The following LRRC4C variants were observed in gnomAD, a reference collection of about 807,000 sequenced individuals.
The protein encoded by LRRC4C is leucine-rich repeat-containing protein 4C.
LRRC4C carries 5 observed loss-of-function variants against 33.6 expected under a neutral mutation model. That is an observed-to-expected ratio of 0.15 (90% CI 0.08 to 0.31). The LOEUF is 0.31. Ranked by LOEUF, LRRC4C falls within the 10% of genes least tolerant of loss-of-function variation. LRRC4C has a pLI of 1.00. For synonymous variants in LRRC4C, 329 were observed against 302.0 expected (o/e 1.09, Z -0.93); for missense variants, 560 against 796.7 (o/e 0.70, Z 3.58).
intron 2 of LRRC4C, among the ~76,000 whole-genome samples, chr11:40,813,327 A>T (rs1951571501): frequency 6.6e-6 from 1 of 152,170 alleles, no homozygotes; most frequent in African/African-American, 2.4e-5. Context: ...CGGAAGGCAA[A>T]GGAGGAGCAA....
chr11:40,651,067 T>G (rs1942768361), intron 2 of LRRC4C, among the ~76,000 whole-genome samples: 1 of 152,220 alleles, frequency 6.6e-6, no homozygotes, highest in East Asian at 1.9e-4. Context: ...AGTCTGACTA[T>G]TTTTGCATTT....
chr11:40,526,212 A>G lies in LRRC4C; in HGVS notation c.-270+121930T>C, dbSNP rs984599764. ...TATTAAATAGGACACAGAAAATGCC[A>G]AGCATAAAAACGTGATAAATCAGAC... On this transcript the variant is annotated intron_variant, in intron 3 of 6. Coordinates refer to ENST00000528697, the MANE Select transcript of LRRC4C (RefSeq NM_001258419.2). 2.6e-5 allele frequency among the ~76,000 whole-genome samples: 4 copies of G among 152,222 alleles called. No homozygotes were observed. The East Asian group carries it at 7.7e-4, about 29-fold the overall frequency.
rs1188271498 is a variant in LRRC4C, at chr11:41,281,104, TCACA to T, written c.-496+178323_-496+178326del. On this transcript the variant is annotated intron_variant, in intron 1 of 6. Coordinates refer to ENST00000528697, the MANE Select transcript of LRRC4C (RefSeq NM_001258419.2). ...CTCTCTCTCTCTCTCTCTCTCTCTCTCACACACACACACACACACACACACACAC... is the reference window on the plus strand; with the variant it reads ...CTCTCTCTCTCTCTCTCTCTCTCTCTCACACACACACACACACACACACAC... Among the ~76,000 whole-genome samples, 710 of 102,538 alleles carry T rather than the reference TCACA, an allele frequency of 6.9e-3. 7 individuals are homozygous for T. The highest frequency in any genetic ancestry group is 0.024 in the African/African-American group (657 of 27,432). 67.3% of individuals were successfully genotyped at this position (102,538 alleles called of 152,430 possible).
chr11:40,546,380 G>A (rs559297797), intron 3 of LRRC4C, among the ~76,000 whole-genome samples: 1 of 151,926 alleles, frequency 6.6e-6, no homozygotes, highest in Non-Finnish European at 1.5e-5. Flanking sequence ...CCTTCTATCT[G>A]TATTACTGTG....
At position 40,531,368 on chromosome 11, in the gene LRRC4C, C is replaced by T. The variant is rs1159501986; in HGVS notation, c.-270+116774G>A. ...AGATACCAGGGATTTGAAATTGTGA[C>T]GTCAAGAGAGTCGAATTCACCTCTA... is the stretch of plus-strand genomic sequence containing the variant. On this transcript the variant is annotated intron_variant, in intron 3 of 6. Transcript: ENST00000528697. 2.0e-5 allele frequency among the ~76,000 whole-genome samples: 3 copies of T among 151,940 alleles called. No individual in the cohort carries two copies. In the East Asian group the frequency reaches 5.8e-4, roughly 29 times the overall value.
chr11:40,430,785 A>G (rs1054391995), intron 3 of LRRC4C, among the ~76,000 whole-genome samples: 2 of 151,996 alleles, frequency 1.3e-5, no homozygotes, highest in African/African-American at 2.4e-5. Context: ...AAATGAGTTC[A>G]TGTCCTTTGT....
chr11:40,807,370 G>A (rs755122501), intron 2 of LRRC4C, among the ~76,000 whole-genome samples: 1 of 152,164 alleles, frequency 6.6e-6, no homozygotes, highest in Non-Finnish European at 1.5e-5. Flanking sequence ...GTAATAGTAG[G>A]TCTAACCATG....
Position 40,471,215 on chromosome 11 carries a change from G to T in LRRC4C, c.-269-151494C>A, listed in dbSNP as rs548878825. ...GCAAAAACCCTACAAGCCAGAATAC[G>T]GTAGAGGACAATATTCAACATTCTC... On this transcript the variant is annotated intron_variant, in intron 3 of 6. Transcript: ENST00000528697. Among the ~76,000 whole-genome samples the T allele has an allele frequency of 2.6e-5, 4 of 152,202 alleles. No individual in the cohort carries two copies. The South Asian group carries it at 8.3e-4, about 32-fold the overall frequency.
At chr11:41,306,684 A>G (rs143105500) in intron 1 of LRRC4C, among the ~76,000 whole-genome samples, 2 of 152,358 alleles carry the variant, frequency 1.3e-5, no homozygotes, top group African/African-American at 2.4e-5. Flanking sequence ...AGCACAGGGT[A>G]TAAGGAAGTC....
At chr11:40,597,945 A>G (rs10837440) in intron 3 of LRRC4C, among the ~76,000 whole-genome samples, 27,333 of 152,244 alleles carry the variant, frequency 0.18, 2,893 homozygotes, top group East Asian at 0.47. Context: ...CATGAGGTCC[A>G]GATGACTGCT....
chr11:40,118,904 A>T (rs1855628603), intron 6 of LRRC4C, among the ~76,000 whole-genome samples: 1 of 152,148 alleles, frequency 6.6e-6, no homozygotes, highest in Admixed American at 6.5e-5. Flanking sequence ...ACAGACAAGC[A>T]ATGGAAGAAA....
At chr11:40,768,742 G>T (rs1949605334) in intron 2 of LRRC4C, among the ~76,000 whole-genome samples, 1 of 151,956 alleles carries the variant, frequency 6.6e-6, no homozygotes, top group Admixed American at 6.6e-5. Flanking sequence ...AAAAACATAT[G>T]ATCATTTCAA....
intron 5 of LRRC4C, among the ~76,000 whole-genome samples, chr11:40,207,458 CAT>C (rs1410255754): frequency 6.6e-6 from 1 of 152,026 alleles, no homozygotes. Flanking sequence ...AAAAATTAGT[CAT>C]GTGTGGTGAT....
At chr11:40,912,646 C>T (rs981576633) in intron 2 of LRRC4C, among the ~76,000 whole-genome samples, 1 of 152,090 alleles carries the variant, frequency 6.6e-6, no homozygotes, top group African/African-American at 2.4e-5. Context: ...AACTAACGAG[C>T]AAAATAACCA....
At chr11:41,279,395 C>A (rs1000615496) in intron 1 of LRRC4C, among the ~76,000 whole-genome samples, 15 of 127,510 alleles carry the variant, frequency 1.2e-4, no homozygotes, top group African/African-American at 4.2e-4. Context: ...CACACACACA[C>A]ACACACACAC....
chr11:40,859,754 A>G (rs2135826210), intron 2 of LRRC4C, among the ~76,000 whole-genome samples: 1 of 152,308 alleles, frequency 6.6e-6, no homozygotes, highest in Non-Finnish European at 1.5e-5. Context: ...AGTCAACCAT[A>G]AAAAGCAGTG....
At chr11:41,165,073 C>T (rs1330519067) in intron 1 of LRRC4C, among the ~76,000 whole-genome samples, 1 of 152,152 alleles carries the variant, frequency 6.6e-6, no homozygotes, top group Non-Finnish European at 1.5e-5. Context: ...ACGTTTTGAC[C>T]TCCACATTCT....
chr11:41,314,671 G>T (rs1336351113), intron 1 of LRRC4C, among the ~76,000 whole-genome samples: 2 of 152,080 alleles, frequency 1.3e-5, no homozygotes, highest in Admixed American at 1.3e-4. Context: ...CGTGGGAGGG[G>T]TAGCATTAGG....
chr11:40,374,831 A>T (rs2137289824), intron 3 of LRRC4C, among the ~76,000 whole-genome samples: 1 of 152,288 alleles, frequency 6.6e-6, no homozygotes, highest in South Asian at 2.1e-4. Flanking sequence ...ACAAATTTTA[A>T]TGAAGGGGAA....
Sources: allele counts gnomAD v4.1 joint callset (sites outside exome capture counted in the v4.1 genomes callset), GRCh38; gene constraint gnomAD v4.1.1; transcripts MANE v1.5; gene names NCBI Gene and HGNC (gene_info 2026-07-23, HGNC 2026-07-21).